Variants in CLNK observed in about 807,000 individuals in gnomAD.
CLNK encodes cytokine dependent hematopoietic cell linker, also known as cytokine-dependent hematopoietic cell linker.
A neutral mutation model predicts 68.6 loss-of-function variants in CLNK; 74 were observed. The observed-to-expected ratio is 1.08, with a 90% CI of 0.89 to 1.31. The LOEUF is 1.31. CLNK is among the 50% of genes most tolerant of loss of function. The pLI is 0.00. For synonymous variants in CLNK, 198 were observed against 172.2 expected, an observed-to-expected ratio of 1.15 and a Z score of -1.17; for missense variants, 553 against 515.3, an observed-to-expected ratio of 1.07 and a Z score of -0.71.
intron 5 of CLNK, among the ~76,000 whole-genome samples, chr4:10,569,328 A>C (rs1720250466): frequency 6.6e-6 from 1 of 151,942 alleles, no homozygotes; most frequent in South Asian, 2.1e-4. Context: ...AAGAGACACC[A>C]GAGAGTTCTC....
chr4:10,502,658 T>C (rs943698585), intron 17 of CLNK, among the ~76,000 whole-genome samples: 1 of 151,970 alleles, frequency 6.6e-6, no homozygotes, highest in Admixed American at 6.6e-5. Context: ...CCTAATAAAT[T>C]GGACTTCTGT....
intron 2 of CLNK, among the ~76,000 whole-genome samples, chr4:10,600,017 C>A (rs903499941): frequency 6.6e-6 from 1 of 152,134 alleles, no homozygotes; most frequent in Non-Finnish European, 1.5e-5. Context: ...AAGATAAAAC[C>A]CAAACTCTTA....
intron 8 of CLNK, among the ~76,000 whole-genome samples, chr4:10,547,771 C>A (rs1043207810): frequency 1.3e-5 from 2 of 152,138 alleles, no homozygotes; most frequent in Admixed American, 1.3e-4. Flanking sequence ...CTTGTTTTGG[C>A]CCAACATAAT....
At chr4:10,730,937 T>C in the CLNK span, among the ~76,000 whole-genome samples, 1 of 152,236 alleles carries the variant, frequency 6.6e-6, no homozygotes, top group Non-Finnish European at 1.5e-5. Flanking sequence ...GTGTGGACTT[T>C]ACTAAGGTTT....
intron 2 of CLNK, among the ~76,000 whole-genome samples, chr4:10,661,505 T>C (rs1724189907): frequency 6.6e-6 from 1 of 152,230 alleles, no homozygotes; most frequent in East Asian, 1.9e-4. Context: ...AATCTGAATT[T>C]GGGAAACTTG....
chr4:10,601,410 A>C (rs1340687410), intron 2 of CLNK, among the ~76,000 whole-genome samples: 43 of 152,228 alleles, frequency 2.8e-4, no homozygotes, highest in Admixed American at 2.7e-3. Context: ...CTACCTAGAC[A>C]GTAAGTGGTT....
chr4:10,701,809 G>T, the CLNK span, among the ~76,000 whole-genome samples: 1 of 152,206 alleles, frequency 6.6e-6, no homozygotes, highest in Non-Finnish European at 1.5e-5. Context: ...TCTACTTAAA[G>T]TGAAATCCAG....
At chr4:10,544,438 G>C (rs1384064409) in intron 8 of CLNK, among the ~76,000 whole-genome samples, 3 of 152,190 alleles carry the variant, frequency 2.0e-5, no homozygotes, top group Non-Finnish European at 4.4e-5. Context: ...TTCAGTGGCA[G>C]GAGTTAGGAG....
In CLNK at chr4:10,574,227, G is replaced by A. The variant is rs115255780; in HGVS notation, c.113-2449C>T. On this transcript the variant is annotated intron_variant, in intron 4 of 18. Transcript: ENST00000226951. ...TGCCCTGTGTGGCCCCCAGAGCTCA[G>A]CACAACCTGCCCCACCCTGCTCTCT... Among the ~76,000 whole-genome samples the A allele has an allele frequency of 2.0e-3, 307 of 152,262 alleles. 1 individual carries two copies. The highest frequency in any genetic ancestry group is 6.4e-3 in the African/African-American group (266 of 41,556).
the CLNK span, among the ~76,000 whole-genome samples, chr4:10,703,261 T>C: frequency 6.6e-6 from 1 of 152,180 alleles, no homozygotes; most frequent in African/African-American, 2.4e-5. Context: ...GAACACTAAC[T>C]ACAGTGTTCA....
At chr4:10,539,405 G>A (rs1421535138) in intron 11 of CLNK, among the ~76,000 whole-genome samples, 1 of 152,150 alleles carries the variant, frequency 6.6e-6, no homozygotes, top group Non-Finnish European at 1.5e-5. Context: ...CTCAAAATGA[G>A]CCTATCCTGA....
chr4:10,603,386 A>C (rs999462695), intron 2 of CLNK, among the ~76,000 whole-genome samples: 3 of 152,230 alleles, frequency 2.0e-5, no homozygotes, highest in African/African-American at 7.2e-5. Context: ...TTTGTATTTC[A>C]CAACATATTA....
At chr4:10,676,016 G>T (rs575233754) in intron 1 of CLNK, among the ~76,000 whole-genome samples, 30 of 151,934 alleles carry the variant, frequency 2.0e-4, no homozygotes, top group African/African-American at 7.0e-4. Context: ...AAGGGAGCAT[G>T]TGTGTATATT....
chr4:10,654,377 T>C (rs1289851481), intron 2 of CLNK, among the ~76,000 whole-genome samples: 1 of 79,984 alleles, frequency 1.3e-5, no homozygotes, highest in African/African-American at 3.6e-5. Flanking sequence ...TAAATATATA[T>C]TGATTAAATA....
chr4:10,724,584 G>A, the CLNK span, among the ~76,000 whole-genome samples: 6 of 152,164 alleles, frequency 3.9e-5, no homozygotes, highest in East Asian at 9.6e-4. Flanking sequence ...ACAATGGACA[G>A]CAACCCTGTA....
At chr4:10,700,345 G>C in the CLNK span, among the ~76,000 whole-genome samples, 1 of 151,968 alleles carries the variant, frequency 6.6e-6, no homozygotes, top group African/African-American at 2.4e-5. Flanking sequence ...CAGGAGGAAC[G>C]TGAACCTTGG....
chr4:10,657,738 C>T (rs569651904), intron 2 of CLNK, among the ~76,000 whole-genome samples: 10 of 152,304 alleles, frequency 6.6e-5, no homozygotes, highest in African/African-American at 1.7e-4. Context: ...AGAATCCAGA[C>T]GGCCAACACA....
intron 11 of CLNK, among the ~76,000 whole-genome samples, chr4:10,539,847 C>T (rs79960123): frequency 0.041 from 6,168 of 152,232 alleles, 317 homozygotes; most frequent in East Asian, 0.13. Flanking sequence ...ATCTGAATCC[C>T]CTTTCAGTTC....
chr4:10,658,511 T>C (rs1724067839), intron 2 of CLNK, among the ~76,000 whole-genome samples: 1 of 152,162 alleles, frequency 6.6e-6, no homozygotes, highest in African/African-American at 2.4e-5. Context: ...TTCATTCAGA[T>C]GGTTATTTCA....
Sources: allele counts gnomAD v4.1 joint callset (sites outside exome capture counted in the v4.1 genomes callset), GRCh38; gene constraint gnomAD v4.1.1; transcripts MANE v1.5; gene names NCBI Gene and HGNC (gene_info 2026-07-23, HGNC 2026-07-21).